Variants in DMXL1 observed in about 807,000 individuals in gnomAD.
DMXL1 encodes Dmx like 1.
In DMXL1, 99 loss-of-function variants were observed where a neutral mutation model predicts 319.2. That is an observed-to-expected ratio of 0.31 (90% confidence interval 0.26 to 0.37). The LOEUF (loss-of-function observed/expected upper bound fraction) is 0.37, where lower values mean the gene tolerates loss of function less well. Among genes scored for constraint, DMXL1 ranks in the 10% least tolerant of loss-of-function variants. DMXL1 has a pLI of 1.00. For synonymous variants in DMXL1, 1,385 were observed against 1,235.2 expected (o/e 1.12, Z -2.54); for missense variants, 3,745 against 3,595.6 (o/e 1.04, Z -1.06).
chr5:119,111,704 T>A (rs1301801909), intron 5 of DMXL1, among the ~76,000 whole-genome samples: 1 of 152,160 alleles, frequency 6.6e-6, no homozygotes, highest in African/African-American at 2.4e-5. Context: ...ATATGTGCAG[T>A]TTTGGGCAAA....
At chr5:119,126,078 A>G (rs1763493752) in intron 9 of DMXL1, among the ~76,000 whole-genome samples, 1 of 152,028 alleles carries the variant, frequency 6.6e-6, no homozygotes, top group Non-Finnish European at 1.5e-5. Flanking sequence ...GAAGTCAGGA[A>G]TTTGAAACCA....
Position 119,239,076 on chromosome 5 carries a change from A to C in DMXL1, c.8647A>C (p.Asn2883His). 3 of 1,613,628 alleles carry C rather than the reference A, an allele frequency of 1.9e-6. No homozygotes were observed. Among genetic ancestry groups the C allele is most frequent in the East Asian group, 4.5e-5 (2 of 44,826 alleles). Residue 2883 changes from asparagine (N) to histidine (H), a missense_variant, in exon 41 of 44, where the codon AAT (asparagine) becomes CAT (histidine). By Grantham distance (68) the Asn-to-His change is moderately conservative. Transcript: ENST00000539542. ...AGCTACAGCTGGTCTTTCAACTGACAATAGGTAAGAGATGATAGCTAAAAT... is the reference window on the plus strand; with the variant it reads ...AGCTACAGCTGGTCTTTCAACTGACCATAGGTAAGAGATGATAGCTAAAAT... ...LIATAGLSTD[N>H]RNVCLWDTLV...
chr5:119,080,306 C>T lies in DMXL1; in HGVS notation c.87+8650C>T, dbSNP rs117032935. On this transcript the variant is annotated intron_variant, in intron 1 of 43. Coordinates refer to ENST00000539542, the MANE Select transcript of DMXL1 (RefSeq NM_001290321.3). ...AGGTTGCAGTGAGCCAAGATTGTCT[C>T]GCTGCACTCCATCCTGGGCGACAGA... is the stretch of plus-strand genomic sequence containing the variant. Among the ~76,000 whole-genome samples the T allele has an allele frequency of 3.6e-3, 541 of 152,192 alleles. 8 individuals are homozygous for T. In the East Asian group the frequency reaches 0.037, roughly 10 times the overall value.
At chr5:119,233,033 A>C (rs915444857) in intron 38 of DMXL1, among the ~76,000 whole-genome samples, 1 of 151,806 alleles carries the variant, frequency 6.6e-6, no homozygotes, top group Non-Finnish European at 1.5e-5. Context: ...TGAGTAATAT[A>C]TAATTTATTA....
intron 7 of DMXL1, 66 bp downstream of exon 7, chr5:119,116,402 C>G (rs1215400953): frequency 1.3e-6 from 2 of 1,526,128 alleles, no homozygotes; most frequent in African/African-American, 2.8e-5. Flanking sequence ...TTGATTGCTT[C>G]TCTCACTTTT....
chr5:119,207,889 C>A (rs948745589), intron 34 of DMXL1, among the ~76,000 whole-genome samples: 41 of 152,232 alleles, frequency 2.7e-4, no homozygotes, highest in Non-Finnish European at 1.6e-4. Flanking sequence ...TTAAAACAAT[C>A]TCAGCAGTGA....
intron 1 of DMXL1, among the ~76,000 whole-genome samples, chr5:119,088,022 G>A (rs1194551402): frequency 3.3e-5 from 5 of 152,136 alleles, no homozygotes; most frequent in Admixed American, 3.3e-4. Context: ...GACTGGCCTC[G>A]AACTCCTGAC....
intron 29 of DMXL1, among the ~76,000 whole-genome samples, chr5:119,192,566 G>C (rs1186858953): frequency 1.3e-5 from 2 of 152,084 alleles, no homozygotes; most frequent in Non-Finnish European, 2.9e-5. Flanking sequence ...CGTTAAAACT[G>C]ATCTTGTTGA....
intron 34 of DMXL1, among the ~76,000 whole-genome samples, chr5:119,211,358 C>T (rs1049410370): frequency 7.2e-5 from 11 of 152,024 alleles, no homozygotes; most frequent in Non-Finnish European, 2.9e-5. Flanking sequence ...TGGTAGAATC[C>T]TGAAGTTTTT....
rs150518725 is a variant in DMXL1, at chr5:119,117,119, C to T, written c.743+783C>T. 2.5e-3 allele frequency among the ~76,000 whole-genome samples: 380 copies of T among 152,320 alleles called. 11 individuals carry two copies. The East Asian group carries it at 0.066, about 27-fold the overall frequency. ...TCATGGCTCACTGCAACCTCTACCT[C>T]CTGGGCTCAAGTGATCCTCCCGCCT... On this transcript the variant is annotated intron_variant, in intron 7 of 43. Coordinates refer to ENST00000539542, the MANE Select transcript of DMXL1 (RefSeq NM_001290321.3).
At chr5:119,091,228 A>G (rs1018148879) in intron 1 of DMXL1, among the ~76,000 whole-genome samples, 3 of 151,136 alleles carry the variant, frequency 2.0e-5, no homozygotes, top group Non-Finnish European at 2.9e-5. Flanking sequence ...TATTTATTTG[A>G]CAGTGTCTTG....
Position 119,134,310 on chromosome 5 carries a change from A to T in DMXL1, c.2297A>T (p.Asp766Val), listed in dbSNP as rs765486084. 1.9e-6 allele frequency: 3 copies of T among 1,613,994 alleles called. No individual in the cohort carries two copies. Among genetic ancestry groups the T allele is most frequent in the African/African-American group, 1.3e-5 (1 of 75,056 alleles). The change falls in exon 13 of 44, where the codon GAT becomes GTT. Residue 766 changes from aspartate (D) to valine (V), a missense_variant. Physicochemically the swap from Asp to Val is radical, Grantham distance 152 (BLOSUM62 -3). Around this residue, in one of 4 missense-constraint regions of DMXL1, gnomAD observed 2,096 missense variants for 1,985.4 expected, o/e 1.06. Transcript: ENST00000539542. ...CCTAGTGCATGCTTTGTAGCCAGTG[A>T]TGGACAATATCTGAGATTATATGAA... ...NSPSACFVAS[D>V]GQYLRLYEAV...
intron 21 of DMXL1, 56 bp from the exon 22 acceptor site, chr5:119,166,560 C>T: frequency 6.8e-7 from 1 of 1,477,936 alleles, no homozygotes; most frequent in Non-Finnish European, 9.2e-7. Flanking sequence ...AAAATTGATT[C>T]TGATGTAAAG....
chr5:119,087,679 A>G (rs756258342), intron 1 of DMXL1, among the ~76,000 whole-genome samples: 1 of 152,112 alleles, frequency 6.6e-6, no homozygotes, highest in Non-Finnish European at 1.5e-5. Context: ...GATCTAGTGT[A>G]TCGTTTAACT....
chr5:119,163,827 G>A (rs1448002043), intron 19 of DMXL1, among the ~76,000 whole-genome samples: 4 of 151,968 alleles, frequency 2.6e-5, no homozygotes, highest in Non-Finnish European at 5.9e-5. Context: ...CGCCCGCCTC[G>A]GCCTCCCAAA....
intron 1 of DMXL1, among the ~76,000 whole-genome samples, chr5:119,095,874 G>A (rs1755837886): frequency 6.6e-6 from 1 of 152,088 alleles, no homozygotes; most frequent in Non-Finnish European, 1.5e-5. Flanking sequence ...TTTTCACTTT[G>A]TGAAACTAGT....
At chr5:119,241,386 T>C (rs780272080) in intron 42 of DMXL1, among the ~76,000 whole-genome samples, 177 of 151,682 alleles carry the variant, frequency 1.2e-3, no homozygotes, top group Non-Finnish European at 1.8e-3. Flanking sequence ...CAAAAAAAAA[T>C]TAGCCAGGCG....
intron 43 of DMXL1, among the ~76,000 whole-genome samples, chr5:119,246,228 C>T (rs1789732814): frequency 6.6e-6 from 1 of 152,078 alleles, no homozygotes; most frequent in Non-Finnish European, 1.5e-5. Context: ...ATAGCTTTGC[C>T]TGGTCAGAGG....
At chr5:119,139,895 CAGA>C (rs1766911577) in intron 13 of DMXL1, among the ~76,000 whole-genome samples, 1 of 152,104 alleles carries the variant, frequency 6.6e-6, no homozygotes, top group Non-Finnish European at 1.5e-5. Context: ...TCAGCAAATG[CAGA>C]AGAACCAAAA....
Sources: allele counts gnomAD v4.1 joint callset (sites outside exome capture counted in the v4.1 genomes callset), GRCh38; gene constraint gnomAD v4.1.1; regional missense constraint gnomAD v4.1.1; transcripts MANE v1.5; gene names NCBI Gene and HGNC (gene_info 2026-07-23, HGNC 2026-07-21).